Variants in DLGAP1 observed in about 807,000 individuals in gnomAD.
The protein encoded by DLGAP1 is disks large-associated protein 1.
DLGAP1 carries 11 observed loss-of-function variants against 90.8 expected under a neutral mutation model. The observed-to-expected ratio is 0.12, with a 90% CI of 0.08 to 0.20. DLGAP1 has a LOEUF of 0.20. Ranked by LOEUF, DLGAP1 falls within the 10% of genes least tolerant of loss-of-function variation. The pLI is 1.00. For missense variants in DLGAP1, 1,050 were observed against 1,333.8 expected (o/e 0.79, Z 3.31); for synonymous variants, 558 against 540.7 (o/e 1.03, Z -0.44).
intron 7 of DLGAP1, among the ~76,000 whole-genome samples, chr18:3,680,834 C>A (rs1241250663): frequency 2.0e-5 from 3 of 150,162 alleles, no homozygotes; most frequent in Admixed American, 2.0e-4. Context: ...TGACTCATGA[C>A]TCATGGTAGT....
At chr18:3,851,471 C>A (rs1258242140) in intron 4 of DLGAP1, among the ~76,000 whole-genome samples, 1 of 152,094 alleles carries the variant, frequency 6.6e-6, no homozygotes, top group Non-Finnish European at 1.5e-5. Context: ...GCAAAGGAAG[C>A]CTTTGATGCT....
chr18:4,026,080 T>C (rs2074694573), intron 2 of DLGAP1, among the ~76,000 whole-genome samples: 1 of 152,226 alleles, frequency 6.6e-6, no homozygotes, highest in Non-Finnish European at 1.5e-5. Flanking sequence ...GTCAGGTTCT[T>C]GCGGCAGCAA....
intron 3 of DLGAP1, among the ~76,000 whole-genome samples, chr18:3,985,458 T>C (rs2073822635): frequency 6.6e-6 from 1 of 152,114 alleles, no homozygotes; most frequent in South Asian, 2.1e-4. Flanking sequence ...AGCTATATTT[T>C]TTGGGCAGAT....
At chr18:3,753,410 T>C (rs907822081) in intron 5 of DLGAP1, among the ~76,000 whole-genome samples, 1 of 152,176 alleles carries the variant, frequency 6.6e-6, no homozygotes, top group Non-Finnish European at 1.5e-5. Flanking sequence ...CTCGAAAGCC[T>C]GGATCCCAGG....
chr18:3,680,574 T>A (rs950276522), intron 7 of DLGAP1, among the ~76,000 whole-genome samples: 2 of 151,880 alleles, frequency 1.3e-5, no homozygotes, highest in African/African-American at 4.8e-5. Context: ...GATCATGGAG[T>A]CAGGAGATCA....
chr18:4,082,595 C>T (rs2075627487), intron 2 of DLGAP1, among the ~76,000 whole-genome samples: 1 of 150,914 alleles, frequency 6.6e-6, no homozygotes, highest in African/African-American at 2.4e-5. Context: ...AGCGATCCAC[C>T]CACCATGCAT....
chr18:4,092,846 G>A (rs965787259), intron 2 of DLGAP1, among the ~76,000 whole-genome samples: 10 of 152,106 alleles, frequency 6.6e-5, no homozygotes, highest in African/African-American at 2.4e-4. Context: ...AGTTCCCTTT[G>A]TGCCTGCAGC....
At chr18:4,326,280 C>A (rs1598905250) in intron 1 of DLGAP1, among the ~76,000 whole-genome samples, 1 of 152,018 alleles carries the variant, frequency 6.6e-6, no homozygotes. Flanking sequence ...AAGTGCAAAT[C>A]AAAACCACGA....
At chr18:4,020,128 G>C (rs1287640690) in intron 2 of DLGAP1, among the ~76,000 whole-genome samples, 1 of 152,124 alleles carries the variant, frequency 6.6e-6, no homozygotes, top group Non-Finnish European at 1.5e-5. Context: ...CCAAGTAGCA[G>C]GCTTCAGAGA....
intron 1 of DLGAP1, among the ~76,000 whole-genome samples, chr18:4,402,779 G>A (rs1200444734): frequency 2.0e-5 from 3 of 152,166 alleles, no homozygotes; most frequent in Non-Finnish European, 4.4e-5. Flanking sequence ...GTAGCCAGCA[G>A]CAAATGGAGT....
Position 4,265,686 on chromosome 18 carries a change from TTCCTTCCTTCCTTCCC to T in DLGAP1, c.-266-114415_-266-114400del, listed in dbSNP as rs2079114902. Among the ~76,000 whole-genome samples the T allele has an allele frequency of 1.7e-5, 2 of 117,506 alleles. 1 individual carries two copies. The highest frequency in any genetic ancestry group is 7.0e-5 in the African/African-American group (2 of 28,740). The allele number at this position is 117,506 out of a possible 152,430, so 77.1% of individuals were successfully genotyped here. On this transcript the variant is annotated intron_variant, in intron 1 of 12. Transcript: ENST00000315677. Reference sequence around the variant, plus strand: ...CTCCCTTCCTTCCTTCCTTCCTTCCTTCCTTCCTTCCTTCCCTCCTCTCTTCAGTGTCTCACTGTTG... The same window carrying T: ...CTCCCTTCCTTCCTTCCTTCCTTCCTTCCTCTCTTCAGTGTCTCACTGTTG...
At chr18:4,344,245 T>C (rs1253442964) in intron 1 of DLGAP1, among the ~76,000 whole-genome samples, 1 of 152,194 alleles carries the variant, frequency 6.6e-6, no homozygotes, top group Non-Finnish European at 1.5e-5. Flanking sequence ...TTATATTATT[T>C]AATCTCCACA....
At chr18:3,885,532 C>T (rs2071288279) in intron 3 of DLGAP1, 3 of 152,278 alleles carry the variant, frequency 2.0e-5, no homozygotes, top group South Asian at 4.2e-4. Flanking sequence ...GCTAGCCTCT[C>T]AATTAGATTT....
chr18:4,013,250 C>T (rs189869253), intron 2 of DLGAP1, among the ~76,000 whole-genome samples: 171 of 152,132 alleles, frequency 1.1e-3, no homozygotes, highest in African/African-American at 2.8e-3. Context: ...CATTTACATA[C>T]GCAATCATTT....
chr18:4,244,162 T>C (rs929000958), intron 1 of DLGAP1, among the ~76,000 whole-genome samples: 8 of 152,162 alleles, frequency 5.3e-5, no homozygotes, highest in African/African-American at 1.7e-4. Context: ...TTGAAATATA[T>C]TTTCCTGGAT....
At chr18:3,763,674 T>A (rs1023930064) in intron 5 of DLGAP1, among the ~76,000 whole-genome samples, 1 of 152,206 alleles carries the variant, frequency 6.6e-6, no homozygotes, top group Middle Eastern at 3.4e-3. Context: ...TTTTTTCTTT[T>A]TTTTTTGAGA....
rs560910511 is a variant in DLGAP1 at position 3,809,901 on chromosome 18, T to A, written c.1172+4158A>T. Among the ~76,000 whole-genome samples, 4 of 152,342 alleles carry A rather than the reference T, an allele frequency of 2.6e-5. No homozygotes were observed. In the East Asian group the frequency reaches 5.8e-4, roughly 22 times the overall value. Reference sequence around the variant, plus strand: ...GTTCTAGAATAAATGGCACTCCAAGTAAGAGACTTAAGTTCTTCATCAGTG... The same window carrying A: ...GTTCTAGAATAAATGGCACTCCAAGAAAGAGACTTAAGTTCTTCATCAGTG... On this transcript the variant is annotated intron_variant, in intron 5 of 12. Transcript: ENST00000315677.
At chr18:4,343,261 C>G (rs1158481029) in intron 1 of DLGAP1, among the ~76,000 whole-genome samples, 3 of 148,528 alleles carry the variant, frequency 2.0e-5, no homozygotes, top group African/African-American at 7.5e-5. Flanking sequence ...GAGCTGAGAT[C>G]GTGCCACTGC....
intron 1 of DLGAP1, among the ~76,000 whole-genome samples, chr18:4,302,308 G>C (rs1486877370): frequency 6.6e-6 from 1 of 152,094 alleles, no homozygotes; most frequent in Non-Finnish European, 1.5e-5. Flanking sequence ...TCCATTTCGA[G>C]TTGATTTTTG....
Sources: gnomAD v4.1 joint callset for allele counts (sites outside exome capture counted in the v4.1 genomes callset) on GRCh38, gnomAD v4.1.1 for gene constraint, MANE v1.5 for transcripts, NCBI Gene and HGNC (gene_info 2026-07-23, HGNC 2026-07-21) for gene names.